Variants in NOL10 observed in about 807,000 individuals in gnomAD.
The protein encoded by NOL10 is nucleolar protein 10, also known as H_NH0074G24.1.
NOL10 carries 58 observed loss-of-function variants against 103.5 expected under a neutral mutation model. The observed-to-expected ratio is 0.56, with a 90% CI of 0.45 to 0.70. The LOEUF (loss-of-function observed/expected upper bound fraction) is 0.70. Ranked by LOEUF, NOL10 falls within the 30% of genes least tolerant of loss-of-function variation. The pLI is 0.00. For synonymous variants in NOL10, 287 were observed against 282.5 expected (o/e 1.02, Z -0.16); for missense variants, 763 against 807.3 (o/e 0.95, Z 0.67).
At chr2:10,602,653 A>G (rs1676041203) in intron 16 of NOL10, 123 bp downstream of exon 16, 2 of 658,232 alleles carry the variant, frequency 3.0e-6, no homozygotes, top group Non-Finnish European at 5.1e-6. Flanking sequence ...CAAAAATATC[A>G]GTAAAAGATG....
rs527927087 is a variant in NOL10, at chr2:10,686,792, G to A, written c.67-2180C>T. Among the ~76,000 whole-genome samples, 9 of 152,168 alleles carry A rather than the reference G, an allele frequency of 5.9e-5. No individual in the cohort carries two copies. In the East Asian group the frequency reaches 1.7e-3, roughly 29 times the overall value. Reference sequence around the variant, plus strand: ...AGTGTTTTTGGCATCAACAGCTTGCGGGATGGAGTTGCCACTGGCTGAGGG... The same window carrying A: ...AGTGTTTTTGGCATCAACAGCTTGCAGGATGGAGTTGCCACTGGCTGAGGG... On this transcript the variant is annotated intron_variant, in intron 1 of 20. Coordinates refer to ENST00000381685, the MANE Select transcript of NOL10 (RefSeq NM_024894.4).
chr2:10,688,713 T>G (rs894480185), intron 1 of NOL10, among the ~76,000 whole-genome samples: 26 of 152,378 alleles, frequency 1.7e-4, no homozygotes, highest in African/African-American at 6.0e-4. Context: ...ACAGGGAACC[T>G]TATCTGAAAT....
intron 20 of NOL10, among the ~76,000 whole-genome samples, chr2:10,577,411 G>A (rs1674509813): frequency 1.3e-5 from 2 of 152,166 alleles, no homozygotes; most frequent in South Asian, 4.1e-4. Flanking sequence ...CTAACTCCCT[G>A]TCTCCCTTGG....
intron 1 of NOL10, among the ~76,000 whole-genome samples, chr2:10,686,998 G>A (rs945053418): frequency 1.3e-5 from 2 of 152,184 alleles, no homozygotes; most frequent in East Asian, 3.8e-4. Context: ...GATAGTTATC[G>A]ATATGCAGAT....
intron 19 of NOL10, among the ~76,000 whole-genome samples, chr2:10,580,315 T>C (rs12620209): frequency 0.34 from 51,534 of 151,004 alleles, 9,206 homozygotes; most frequent in Non-Finnish European, 0.4. Flanking sequence ...CACTGGCAGG[T>C]GGCAGAGGAG....
In NOL10 at chr2:10,599,615, A is replaced by G. The variant is rs545581148; in HGVS notation, c.1422+1238T>C. On this transcript the variant is annotated intron_variant, in intron 17 of 20. Transcript: ENST00000381685. ...ATTCATGTCATGAAAATGGAAACCTAAAAGTCCTCTATTTACTTGAGAGGC... is the reference window on the plus strand; with the variant it reads ...ATTCATGTCATGAAAATGGAAACCTGAAAGTCCTCTATTTACTTGAGAGGC... 9.8e-5 allele frequency among the ~76,000 whole-genome samples: 15 copies of G among 152,348 alleles called. No individual in the cohort carries two copies. The South Asian group carries it at 2.7e-3, about 27-fold the overall frequency.
At chr2:10,594,943 G>A (rs1675590817) in intron 17 of NOL10, among the ~76,000 whole-genome samples, 1 of 152,120 alleles carries the variant, frequency 6.6e-6, no homozygotes, top group Admixed American at 6.6e-5. Flanking sequence ...GCTGCAGTAA[G>A]CTATGATTCT....
chr2:10,596,440 C>A (rs1675699461), intron 17 of NOL10, among the ~76,000 whole-genome samples: 1 of 152,038 alleles, frequency 6.6e-6, no homozygotes, highest in South Asian at 2.1e-4. Flanking sequence ...CCATCGGGGG[C>A]TAATGAGAGA....
intron 17 of NOL10, among the ~76,000 whole-genome samples, chr2:10,590,478 G>A (rs1301155092): frequency 6.6e-6 from 1 of 152,182 alleles, no homozygotes; most frequent in East Asian, 1.9e-4. Flanking sequence ...TTCCAAAACT[G>A]GGAGAGGAGG....
At chr2:10,607,750 T>TTTATTATTATTATTA (rs373298093) in intron 13 of NOL10, among the ~76,000 whole-genome samples, 2,163 of 144,716 alleles carry the variant, frequency 0.015, 60 homozygotes, top group African/African-American at 0.047. Flanking sequence ...AAAAACAATA[T>TTTATTATTATTATTA]TTATTATTAT....
chr2:10,607,959 T>C (rs540625571), intron 13 of NOL10, among the ~76,000 whole-genome samples: 1 of 152,060 alleles, frequency 6.6e-6, no homozygotes, highest in East Asian at 1.9e-4. Flanking sequence ...TTTAACTCAT[T>C]AAAAACTACA....
At chr2:10,675,493 CCAGT>C (rs1423671435) in intron 4 of NOL10, among the ~76,000 whole-genome samples, 2 of 151,926 alleles carry the variant, frequency 1.3e-5, no homozygotes, top group Admixed American at 6.6e-5. Flanking sequence ...AGAAAAGCTG[CCAGT>C]CAATTCTAAA....
chr2:10,587,056 C>CATATATATACAT (rs1675065854), intron 19 of NOL10, among the ~76,000 whole-genome samples: 1 of 54,676 alleles, frequency 1.8e-5, no homozygotes, highest in Non-Finnish European at 3.4e-5. Flanking sequence ...TATATATATA[C>CATATATATACAT]ATATATATAT....
intron 13 of NOL10, among the ~76,000 whole-genome samples, chr2:10,638,326 A>G (rs1678428393): frequency 1.6e-5 from 2 of 123,884 alleles, no homozygotes; most frequent in African/African-American, 8.5e-5. Flanking sequence ...ACGTGACGTG[A>G]CGTGACGTAA....
chr2:10,577,778 A>G lies in NOL10; in HGVS notation c.1845-40T>C, dbSNP rs199849845. On this transcript the variant is annotated intron_variant, in intron 19 of 20. Transcript: ENST00000381685. ...AAAGAATGCCACATTAATCAAAATT[A>G]TGTTTTAATTTACCATTTGAAACAA... is the stretch of plus-strand genomic sequence containing the variant. 4.7e-4 allele frequency: 624 copies of G among 1,338,848 alleles called. 4 individuals carry two copies. The highest frequency in any genetic ancestry group is 3.2e-4 in the Non-Finnish European group (306 of 952,162). 82.9% of individuals were successfully genotyped at this position (1,338,848 alleles called of 1,614,324 possible). A position where few individuals can be genotyped will look rare whatever the true frequency, so the allele number is the denominator to read the frequency against.
At chr2:10,647,043 T>A (rs189847206) in intron 12 of NOL10, among the ~76,000 whole-genome samples, 1 of 152,224 alleles carries the variant, frequency 6.6e-6, no homozygotes, top group Non-Finnish European at 1.5e-5. Flanking sequence ...AAAGAGATTA[T>A]GGCATTGAGG....
rs568705515 is a variant in NOL10, at chr2:10,628,564, A to G, written c.1026+15756T>C. Among the ~76,000 whole-genome samples, 11 of 152,114 alleles carry G rather than the reference A, an allele frequency of 7.2e-5. No homozygotes were observed. In the East Asian group the frequency reaches 1.9e-3, roughly 27 times the overall value. On this transcript the variant is annotated intron_variant, in intron 13 of 20. Coordinates refer to ENST00000381685, the MANE Select transcript of NOL10 (RefSeq NM_024894.4). Reference sequence around the variant, plus strand: ...TTTAATTTCATTGGTTTAATCTCTTATATAAAGATCAGGTTCTAAAGTCAA... The same window carrying G: ...TTTAATTTCATTGGTTTAATCTCTTGTATAAAGATCAGGTTCTAAAGTCAA...
At chr2:10,613,000 T>C (rs1314063525) in intron 13 of NOL10, among the ~76,000 whole-genome samples, 1 of 126,506 alleles carries the variant, frequency 7.9e-6, no homozygotes, top group Non-Finnish European at 1.5e-5. Context: ...TAAGACCCTG[T>C]TAAAAAAAAA....
rs577650157 is a variant in NOL10, at chr2:10,632,947, G to A, written c.1026+11373C>T. On this transcript the variant is annotated intron_variant, in intron 13 of 20. Coordinates refer to ENST00000381685, the MANE Select transcript of NOL10 (RefSeq NM_024894.4). ...GCCTCCTAAAGTGCTGGGATTACAG[G>A]TGTGAGCCACCGCACTAGGCCTAAA... Among the ~76,000 whole-genome samples the A allele has an allele frequency of 5.3e-5, 8 of 152,194 alleles. No individual in the cohort carries two copies. The South Asian group carries it at 8.3e-4, about 16-fold the overall frequency.
Sources: allele counts gnomAD v4.1 joint callset (sites outside exome capture counted in the v4.1 genomes callset), GRCh38; gene constraint gnomAD v4.1.1; transcripts MANE v1.5; gene names NCBI Gene and HGNC (gene_info 2026-07-23, HGNC 2026-07-21).